PTPRA: variants seen among roughly 807,000 people sequenced by gnomAD.
The protein encoded by PTPRA is receptor-type tyrosine-protein phosphatase alpha.
A neutral mutation model predicts 104.8 loss-of-function variants in PTPRA; 25 were observed. The ratio of observed to expected loss-of-function variants is 0.24; its 90% CI spans 0.17 to 0.33. The LOEUF (loss-of-function observed/expected upper bound fraction) is 0.33, where lower values mean the gene tolerates loss of function less well. Among genes scored for constraint, PTPRA ranks in the 10% least tolerant of loss-of-function variants. PTPRA has a pLI of 1.00. For synonymous variants in PTPRA, 323 were observed against 368.9 expected (o/e 0.88, Z 1.43); for missense variants, 765 against 1,015.3 (o/e 0.75, Z 3.35).
intron 6 of PTPRA, among the ~76,000 whole-genome samples, chr20:2,975,608 T>A (rs2062398898): frequency 6.6e-6 from 1 of 152,230 alleles, no homozygotes; most frequent in African/African-American, 2.4e-5. Context: ...TTCTTTGTGT[T>A]GTTTTTCCCC....
chr20:2,899,638 C>A (rs1401770148), intron 1 of PTPRA, among the ~76,000 whole-genome samples: 1 of 152,016 alleles, frequency 6.6e-6, no homozygotes, highest in East Asian at 1.9e-4. Context: ...TTCAAGATGC[C>A]AAATCATCAA....
the PTPRA span, chr20:2,864,351 T>G: frequency 6.2e-7 from 1 of 1,614,068 alleles, no homozygotes. The surrounding 1 kb of genome is among the most constrained non-coding windows in gnomAD (Gnocchi z 5.2). Context: ...CCACTCCACC[T>G]TACTCTCCTG....
chr20:2,894,659 CT>C (rs2147020952), intron 1 of PTPRA, among the ~76,000 whole-genome samples: 1 of 151,736 alleles, frequency 6.6e-6, no homozygotes, highest in Non-Finnish European at 1.5e-5. Flanking sequence ...TTCACTTTAA[CT>C]GTGAAAGGAC....
chr20:2,925,385 A>G (rs2060256927), intron 2 of PTPRA, among the ~76,000 whole-genome samples: 1 of 152,232 alleles, frequency 6.6e-6, no homozygotes, highest in East Asian at 1.9e-4. Context: ...ATGTTGTAGC[A>G]TATATCAGAA....
intron 2 of PTPRA, among the ~76,000 whole-genome samples, chr20:2,935,169 A>G (rs895146143): frequency 2.0e-5 from 3 of 152,128 alleles, no homozygotes; most frequent in African/African-American, 7.2e-5. Context: ...ACCAACCTCT[A>G]GTAACCACCA....
At chr20:2,933,002 T>C (rs980485657) in intron 2 of PTPRA, among the ~76,000 whole-genome samples, 1 of 152,218 alleles carries the variant, frequency 6.6e-6, no homozygotes, top group African/African-American at 2.4e-5. Context: ...TCTGGTTTTA[T>C]TGGGGAGATA....
the PTPRA span, chr20:2,864,860 A>T: frequency 1.5e-6 from 2 of 1,368,094 alleles, no homozygotes; most frequent in East Asian, 4.7e-5. The surrounding 1 kb of genome is among the most constrained non-coding windows in gnomAD (Gnocchi z 5.2). Flanking sequence ...TGCACCTAGC[A>T]GGCAAGGCTG....
intron 14 of PTPRA, 88 bp downstream of exon 14, chr20:3,021,516 G>C: frequency 6.5e-7 from 1 of 1,541,686 alleles, no homozygotes. Context: ...GCTGTGGTCA[G>C]GAGTTGCTGA....
chr20:2,978,880 G>A (rs3827130), intron 6 of PTPRA, among the ~76,000 whole-genome samples: 57,259 of 151,958 alleles, frequency 0.38, 11,418 homozygotes, highest in East Asian at 0.66. Context: ...ATAGTTTGCC[G>A]ACCCCTCTTC....
chr20:2,983,359 T>C (rs1453139548), intron 6 of PTPRA, among the ~76,000 whole-genome samples: 1 of 151,982 alleles, frequency 6.6e-6, no homozygotes, highest in Non-Finnish European at 1.5e-5. Context: ...TCGAGGGGGT[T>C]GTTAGAGTCC....
intron 1 of PTPRA, among the ~76,000 whole-genome samples, chr20:2,905,327 A>G (rs1252662673): frequency 2.0e-5 from 3 of 152,174 alleles, no homozygotes; most frequent in Non-Finnish European, 2.9e-5. Context: ...ACCACACTCT[A>G]TTCTTCCTCT....
intron 6 of PTPRA, among the ~76,000 whole-genome samples, chr20:2,981,180 C>T (rs1412659541): frequency 6.6e-6 from 1 of 152,060 alleles, no homozygotes; most frequent in Non-Finnish European, 1.5e-5. Context: ...CAGGGAAATT[C>T]AAGCAGTAAC....
At chr20:3,034,600 C>G (rs892471502) in intron 20 of PTPRA, among the ~76,000 whole-genome samples, 2 of 151,690 alleles carry the variant, frequency 1.3e-5, no homozygotes, top group Admixed American at 1.3e-4. Context: ...CCCAGGGCAC[C>G]GATCCCTGAG....
chr20:2,967,457 T>C (rs908678402), intron 5 of PTPRA, among the ~76,000 whole-genome samples: 2 of 152,246 alleles, frequency 1.3e-5, no homozygotes, highest in African/African-American at 4.8e-5. Flanking sequence ...ATGTATATTA[T>C]TGTAATTATG....
At position 2,873,568 on chromosome 20, in the gene PTPRA, C is replaced by T. The variant is rs1386389947; in HGVS notation, c.-321C>T. 2.0e-5 allele frequency: 3 copies of T among 151,596 alleles called. No individual in the cohort carries two copies. Among genetic ancestry groups the T allele is most frequent in the Non-Finnish European group, 4.4e-5 (3 of 67,852 alleles). The allele number at this position is 151,596 out of a possible 1,614,324, so 9.4% of individuals were successfully genotyped here. On this transcript the variant is annotated 5_prime_UTR_variant, in exon 1 of 24. Transcript: ENST00000399903. The surrounding 1 kb of genome is among the most constrained non-coding windows in gnomAD (Gnocchi z 4.4). ...CTCGGACCCCGGCCGCTGCCGCCAT[C>T]ACTGTCGCCCGCCCAGTCGCCCCTC...
At chr20:3,024,300 T>A (rs187709793) in intron 16 of PTPRA, among the ~76,000 whole-genome samples, 172 bp from the exon 17 acceptor site, 45 of 152,280 alleles carry the variant, frequency 3.0e-4, no homozygotes, top group Admixed American at 2.9e-3. Flanking sequence ...CCACAGGGAC[T>A]CCTGCATTTC....
At chr20:2,974,156 G>A (rs1482857644) in intron 5 of PTPRA, among the ~76,000 whole-genome samples, 1 of 151,296 alleles carries the variant, frequency 6.6e-6, no homozygotes, top group South Asian at 2.1e-4. Flanking sequence ...GGGTTTCACT[G>A]TGTTACCCAG....
At chr20:3,031,209 C>T (rs1372486867) in intron 20 of PTPRA, among the ~76,000 whole-genome samples, 1 of 152,056 alleles carries the variant, frequency 6.6e-6, no homozygotes, top group East Asian at 1.9e-4. Context: ...ACCATGTCCG[C>T]CTTAGACCTC....
chr20:2,943,206 T>TCCCCCC (rs147898735), intron 2 of PTPRA, among the ~76,000 whole-genome samples: 34 of 97,066 alleles, frequency 3.5e-4, no homozygotes, highest in African/African-American at 9.2e-4. Context: ...TTGGAACATA[T>TCCCCCC]CCCCCCACCC....
Sources: gnomAD v4.1 joint callset for allele counts (sites outside exome capture counted in the v4.1 genomes callset) on GRCh38, gnomAD v4.1.1 for gene constraint, Gnocchi (gnomAD v3.1) non-coding constraint, MANE v1.5 for transcripts, NCBI Gene and HGNC (gene_info 2026-07-23, HGNC 2026-07-21) for gene names.